Variants in FMN1 observed in about 807,000 individuals in gnomAD.
FMN1 encodes the protein formin 1.
In FMN1, 110 loss-of-function variants were observed where a neutral mutation model predicts 132.4. That is an observed-to-expected ratio of 0.83 (90% CI 0.71 to 0.97). The LOEUF (loss-of-function observed/expected upper bound fraction) is 0.97, where lower values mean the gene tolerates loss of function less well. Among genes scored for constraint, FMN1 ranks in the 50% least tolerant of loss-of-function variants. The probability of loss-of-function intolerance (pLI) is 0.00; values close to 1 mark genes in which losing one functional copy is unlikely to be tolerated. For synonymous variants in FMN1, 722 were observed against 651.7 expected (o/e 1.11, Z -1.64); for missense variants, 1,792 against 1,705.3 (o/e 1.05, Z -0.90).
intron 7 of FMN1, among the ~76,000 whole-genome samples, chr15:32,989,896 A>G (rs560240769): frequency 1.5e-4 from 23 of 152,242 alleles, no homozygotes; most frequent in African/African-American, 5.5e-4. Context: ...TTTTAGGAGA[A>G]CCATGACACC....
chr15:32,840,504 G>A (rs941322502), intron 17 of FMN1, among the ~76,000 whole-genome samples: 6 of 152,150 alleles, frequency 3.9e-5, no homozygotes, highest in East Asian at 1.9e-4. Context: ...ACATAACTGC[G>A]TACAAATGAC....
At chr15:32,967,699 T>C (rs920693395) in intron 8 of FMN1, among the ~76,000 whole-genome samples, 9 of 152,142 alleles carry the variant, frequency 5.9e-5, no homozygotes, top group African/African-American at 2.2e-4. Context: ...AAGGGGAAAA[T>C]ATGAAGCACA....
intron 17 of FMN1, among the ~76,000 whole-genome samples, chr15:32,824,121 C>A (rs372087970): frequency 1.6e-4 from 25 of 152,364 alleles, no homozygotes; most frequent in African/African-American, 5.5e-4. Flanking sequence ...TAATGTACCC[C>A]CCGTGAGAGG....
At chr15:33,067,356 A>G (rs1566885344) in intron 5 of FMN1, 1 of 1,613,836 alleles carries the variant, frequency 6.2e-7, no homozygotes, top group African/African-American at 1.3e-5. Context: ...GACTCCTGAG[A>G]TGGCTCAGAT....
intron 6 of FMN1, among the ~76,000 whole-genome samples, chr15:33,052,970 C>T (rs2037047014): frequency 7.7e-6 from 1 of 129,874 alleles, no homozygotes; most frequent in South Asian, 2.9e-4. Context: ...GGCAGAGAAA[C>T]CACCTGACTG....
chr15:32,922,789 G>A (rs1004462406), intron 10 of FMN1, among the ~76,000 whole-genome samples: 5 of 152,182 alleles, frequency 3.3e-5, no homozygotes, highest in African/African-American at 7.2e-5. Flanking sequence ...TCAACTTAAT[G>A]GTAGAGTTTT....
chr15:33,072,230 A>G (rs935531901), intron 5 of FMN1, among the ~76,000 whole-genome samples: 3 of 152,226 alleles, frequency 2.0e-5, no homozygotes, highest in African/African-American at 4.8e-5. Flanking sequence ...CACCTATACA[A>G]TATGTTTTCA....
At chr15:32,878,072 CAGTGCCTATTCAA>C (rs1355529011) in intron 16 of FMN1, among the ~76,000 whole-genome samples, 1 of 152,186 alleles carries the variant, frequency 6.6e-6, no homozygotes, top group African/African-American at 2.4e-5. Context: ...CTGTAATAGA[CAGTGCCTATTCAA>C]AGTGCCTCCT....
intron 6 of FMN1, among the ~76,000 whole-genome samples, chr15:33,050,153 C>T (rs1226701640): frequency 1.3e-5 from 2 of 152,162 alleles, no homozygotes; most frequent in African/African-American, 4.8e-5. Context: ...AGGTGATGTT[C>T]AGTAGGTTAG....
In FMN1 at chr15:33,093,008, T is replaced by C. The variant is rs142366888; in HGVS notation, c.1868-4034A>G. ...GATATTGTCTTTAATCGTCTAAGAA[T>C]ATACATATAAAAATATACCAATTTC... On this transcript the variant is annotated intron_variant, in intron 4 of 20. Coordinates refer to ENST00000616417, the MANE Select transcript of FMN1 (RefSeq NM_001277313.2). 9.7e-3 allele frequency among the ~76,000 whole-genome samples: 1,484 copies of C among 152,316 alleles called. 30 individuals are homozygous for C. Among genetic ancestry groups the C allele is most frequent in the African/African-American group, 0.034 (1,410 of 41,572 alleles).
At chr15:33,127,503 C>A (rs1413994114) in intron 4 of FMN1, among the ~76,000 whole-genome samples, 1 of 152,150 alleles carries the variant, frequency 6.6e-6, no homozygotes, top group Non-Finnish European at 1.5e-5. Flanking sequence ...AAATGAAACC[C>A]AAGTGTAACT....
chr15:32,805,165 A>G (rs891611821), intron 17 of FMN1, among the ~76,000 whole-genome samples: 1 of 152,136 alleles, frequency 6.6e-6, no homozygotes, highest in African/African-American at 2.4e-5. Flanking sequence ...CTTCTCCAGC[A>G]TCTGTTGTTT....
intron 5 of FMN1, chr15:33,067,950 C>A (rs1372921790): frequency 6.5e-7 from 1 of 1,528,836 alleles, no homozygotes; most frequent in Non-Finnish European, 8.7e-7. Flanking sequence ...TCAGTTTATC[C>A]ACTCCATCTG....
chr15:32,895,871 G>A (rs75894731), intron 15 of FMN1, among the ~76,000 whole-genome samples: 4,019 of 152,134 alleles, frequency 0.026, 76 homozygotes, highest in East Asian at 0.11. Flanking sequence ...ATTAGGAATT[G>A]AAGTTTTTTA....
intron 19 of FMN1, among the ~76,000 whole-genome samples, chr15:32,783,505 G>A (rs2056738765): frequency 6.6e-6 from 1 of 152,174 alleles, no homozygotes; most frequent in African/African-American, 2.4e-5. Flanking sequence ...CCAGCACTTT[G>A]GGAGGCCGAG....
chr15:32,941,187 A>G (rs996215811), intron 9 of FMN1, among the ~76,000 whole-genome samples: 12 of 152,222 alleles, frequency 7.9e-5, no homozygotes, highest in African/African-American at 2.9e-4. Flanking sequence ...ACTTGATTTT[A>G]TTCCATGTAG....
chr15:32,969,506 T>C lies in FMN1; in HGVS notation c.2224-29A>G, dbSNP rs771857270. 7.5e-6 allele frequency: 12 copies of C among 1,603,580 alleles called. No homozygotes were observed. In the East Asian group the frequency reaches 2.5e-4, roughly 33 times the overall value. ...TAGGAAAATTCAGAGGGAAAGAAAGTAATGAGTTTATTAAGAACAAACTTA... is the reference window on the plus strand; with the variant it reads ...TAGGAAAATTCAGAGGGAAAGAAAGCAATGAGTTTATTAAGAACAAACTTA... On this transcript the variant is annotated intron_variant, in intron 7 of 20. Coordinates refer to ENST00000616417, the MANE Select transcript of FMN1 (RefSeq NM_001277313.2).
intron 7 of FMN1, among the ~76,000 whole-genome samples, chr15:32,989,842 G>T (rs909344755): frequency 3.9e-5 from 6 of 152,146 alleles, no homozygotes; most frequent in African/African-American, 9.7e-5. Flanking sequence ...GAGGGTGCAG[G>T]AGTTGTCAAG....
At position 33,069,993 on chromosome 15, in the gene FMN1, C is replaced by CTTTT. The variant is rs1171369156; in HGVS notation, c.2044-4923_2044-4920dup. Among the ~76,000 whole-genome samples, 247 of 74,276 alleles carry CTTTT rather than the reference C, an allele frequency of 3.3e-3. 2 individuals carry two copies. The highest frequency in any genetic ancestry group is 3.8e-3 in the African/African-American group (73 of 19,026). 48.7% of individuals were successfully genotyped at this position (74,276 alleles called of 152,430 possible). On this transcript the variant is annotated intron_variant, in intron 5 of 20. Coordinates refer to ENST00000616417, the MANE Select transcript of FMN1 (RefSeq NM_001277313.2). ...AACAGATCATAAGATCAGTCTTTCT[C>CTTTT]TTTTTTTTTTTTTTTTTTTTTTTTT...
Sources: gnomAD v4.1 joint callset for allele counts (sites outside exome capture counted in the v4.1 genomes callset) on GRCh38, gnomAD v4.1.1 for gene constraint, MANE v1.5 for transcripts, NCBI Gene and HGNC (gene_info 2026-07-23, HGNC 2026-07-21) for gene names.